The following OR51A7 variants were observed in gnomAD, a reference collection of about 807,000 sequenced individuals.
The protein encoded by OR51A7 is olfactory receptor 51A7.
For missense variants in OR51A7, 409 were observed against 374.5 expected, an observed-to-expected ratio of 1.09 and a Z score of -0.76; for synonymous variants, 143 against 135.5, an observed-to-expected ratio of 1.05 and a Z score of -0.38.
At position 4,908,366 on chromosome 11, in the gene OR51A7, A is replaced by G. The variant is rs749913407; in HGVS notation, c.*58A>G. Reference sequence around the variant, plus strand: ...CAGTAGGCATTTACTGTCATTTGCTATGTGCTTAATGCCATAGAAGTCACT... The same window carrying G: ...CAGTAGGCATTTACTGTCATTTGCTGTGTGCTTAATGCCATAGAAGTCACT... On this transcript the variant is annotated 3_prime_UTR_variant, in exon 2 of 2. Coordinates refer to ENST00000641490, the MANE Select transcript of OR51A7 (RefSeq NM_001004749.2). 2.2e-6 allele frequency: 3 copies of G among 1,394,370 alleles called. No homozygotes were observed. Among genetic ancestry groups the G allele is most frequent in the Non-Finnish European group, 3.0e-6 (3 of 985,642 alleles). 86.4% of individuals were successfully genotyped at this position (1,394,370 alleles called of 1,614,324 possible). A position where few individuals can be genotyped will look rare whatever the true frequency, so the allele number is the denominator to read the frequency against.
chr11:4,905,438 A>C (rs1167324014), intron 1 of OR51A7, among the ~76,000 whole-genome samples: 2 of 152,140 alleles, frequency 1.3e-5, no homozygotes, highest in Non-Finnish European at 2.9e-5. Flanking sequence ...TTATCCTCTA[A>C]AAAATCACAA....
Position 4,907,384 on chromosome 11 carries a change from T to C in OR51A7, c.15T>C (p.Asn5=). MSVL[N]NSEVKLFLLI... ...TCTCCCTCATTATGTCTGTTCTCAA[T>C]AACTCCGAAGTCAAGCTTTTCCTTC... The change falls in exon 2 of 2, where the codon AAT becomes AAC. Residue 5 remains asparagine, a synonymous_variant. Coordinates refer to ENST00000641490, the MANE Select transcript of OR51A7 (RefSeq NM_001004749.2). 1 of 1,612,186 alleles carries C rather than the reference T, an allele frequency of 6.2e-7. No homozygotes were observed. Among genetic ancestry groups the C allele is most frequent in the Non-Finnish European group, 8.5e-7 (1 of 1,178,588 alleles).
In OR51A7 at chr11:4,907,541, C is replaced by T. The variant is rs778392725; in HGVS notation, c.172C>T (p.Pro58Ser). Reference protein sequence around the residue: ...IIKTEPSLHEPMYYFLAMLAV... With the variant: ...IIKTEPSLHESMYYFLAMLAV... ...AAAGACAGAGCCCTCGCTTCATGAG[C>T]CCATGTATTATTTCCTTGCCATGTT... Residue 58 changes from proline to serine, a missense_variant, in exon 2 of 2, where the codon CCC (proline) becomes TCC (serine). Coordinates refer to ENST00000641490, the MANE Select transcript of OR51A7 (RefSeq NM_001004749.2). 8 of 1,613,980 alleles carry T rather than the reference C, an allele frequency of 5.0e-6. No individual in the cohort carries two copies. In the South Asian group the frequency reaches 7.7e-5, roughly 16 times the overall value.
In OR51A7 at chr11:4,907,904, T is replaced by G; in HGVS notation, c.535T>G (p.Cys179Gly). ...AAAGAATCTTCTTTCTCACTCATAC[T>G]GTCTTCATCAGGATACCATGAAGCT... ...CQKNLLSHSYCLHQDTMKLAC... is the reference protein window; with the variant it reads ...CQKNLLSHSYGLHQDTMKLAC... The change falls in exon 2 of 2, where the codon TGT becomes GGT. Residue 179 changes from cysteine (C) to glycine (G), a missense_variant. Cys to Gly is a radical substitution (Grantham distance 159). Transcript: ENST00000641490. 1 of 1,614,136 alleles carries G rather than the reference T, an allele frequency of 6.2e-7. No homozygotes were observed. Among genetic ancestry groups the G allele is most frequent in the South Asian group, 1.1e-5 (1 of 91,084 alleles).
At chr11:4,905,901 A>T (rs1363319430) in intron 1 of OR51A7, among the ~76,000 whole-genome samples, 2 of 152,202 alleles carry the variant, frequency 1.3e-5, no homozygotes, top group Admixed American at 6.5e-5. Flanking sequence ...TTTATTATGT[A>T]GGCAAAATTT....
intron 1 of OR51A7, among the ~76,000 whole-genome samples, chr11:4,906,268 A>G (rs1850886650): frequency 6.6e-6 from 1 of 152,226 alleles, no homozygotes. Context: ...TGTGTAATCA[A>G]TGCTAATATT....
rs1417834284 is a variant in OR51A7 at position 4,909,320 on chromosome 11, GC to G, written c.*1013del. The G allele has an allele frequency of 1.3e-5, 2 of 152,074 alleles. No individual in the cohort carries two copies. 9.4% of individuals were successfully genotyped at this position (152,074 alleles called of 1,614,324 possible). A position where few individuals can be genotyped will look rare whatever the true frequency, so the allele number is the denominator to read the frequency against. On this transcript the variant is annotated 3_prime_UTR_variant, in exon 2 of 2. Coordinates refer to ENST00000641490, the MANE Select transcript of OR51A7 (RefSeq NM_001004749.2). ...AGTTGAAAATACAATTTGAAGGGGG[GC>G]AAACAAGATTGATATGGCAATCTCT...
Position 4,907,763 on chromosome 11 carries a change from T to C in OR51A7, c.394T>C (p.Tyr132His). 2 of 1,614,122 alleles carry C rather than the reference T, an allele frequency of 1.2e-6. No homozygotes were observed. Among genetic ancestry groups the C allele is most frequent in the Non-Finnish European group, 1.7e-6 (2 of 1,180,022 alleles). Residue 132 changes from tyrosine (Y) to histidine (H), a missense_variant, in exon 2 of 2, where the codon TAC becomes CAC. Physicochemically the swap from Tyr to His is moderately conservative, Grantham distance 83. Transcript: ENST00000641490. ...TCTTGCCATTCACAATCCCTTAAGA[T>C]ACAGTTCTATCCTCACTAGCAACAG... The part of the protein sequence containing the change: ...RFLAIHNPLR[Y>H]SSILTSNRVA...
intron 1 of OR51A7, 70 bp from the exon 2 acceptor site, chr11:4,907,269 T>A (rs1301355821): frequency 1.4e-6 from 1 of 715,350 alleles, no homozygotes. Context: ...AGTATACGAA[T>A]GAACCCCTTA....
At position 4,907,735 on chromosome 11, in the gene OR51A7, C is replaced by T; in HGVS notation, c.366C>T (p.Arg122=). 6.2e-7 allele frequency: 1 copy of T among 1,614,018 alleles called. No homozygotes were observed. The highest frequency in any genetic ancestry group is 8.5e-7 in the Non-Finnish European group (1 of 1,179,988). The change falls in exon 2 of 2, where the codon CGC becomes CGT. Residue 122 remains arginine (R), a synonymous_variant. Coordinates refer to ENST00000641490, the MANE Select transcript of OR51A7 (RefSeq NM_001004749.2). ...TACTTCTAATTATGTCTTTGGACCG[C>T]TTTCTTGCCATTCACAATCCCTTAA... ...SSVLLIMSLD[R]FLAIHNPLRY... is the part of the protein sequence containing the mutation.
chr11:4,908,316 A>G lies in OR51A7; in HGVS notation c.*8A>G. On this transcript the variant is annotated 3_prime_UTR_variant, in exon 2 of 2. Transcript: ENST00000641490. ...AATGTATGTGGGAGATAAGAACTTG[A>G]ACAATTAGGTAATAAATTATCAACC... The G allele has an allele frequency of 6.2e-7, 1 of 1,608,224 alleles. No homozygotes were observed. The highest frequency in any genetic ancestry group is 2.2e-5 in the East Asian group (1 of 44,824).
At position 4,908,204 on chromosome 11, in the gene OR51A7, T is replaced by C; in HGVS notation, c.835T>C (p.Phe279Leu). 1 of 1,614,210 alleles carries C rather than the reference T, an allele frequency of 6.2e-7. No individual in the cohort carries two copies. ...TGTTGTGATCCTTATTGCAGATATG[T>C]TCTTGTTGGTGCCGCCCCTTATGAA... ...PLVVILIADM[F>L]LLVPPLMNPI... The change falls in exon 2 of 2, where the codon TTC becomes CTC. Residue 279 changes from phenylalanine (F) to leucine (L), a missense_variant. Phe to Leu is a conservative substitution (Grantham distance 22). Coordinates refer to ENST00000641490, the MANE Select transcript of OR51A7 (RefSeq NM_001004749.2).
At chr11:4,905,923 T>G (rs1429791825) in intron 1 of OR51A7, among the ~76,000 whole-genome samples, 3 of 152,192 alleles carry the variant, frequency 2.0e-5, no homozygotes, top group African/African-American at 7.2e-5. Flanking sequence ...AATGCTTCAT[T>G]TCCAACAGAA....
Position 4,908,484 on chromosome 11 carries a change from CA to C in OR51A7, c.*178del. ...AACTGAACAGGATAGAAAAAAAAGT[CA>C]AGAGATATATAAGATATAGAGGTTT... is the stretch of plus-strand genomic sequence containing the variant. On this transcript the variant is annotated 3_prime_UTR_variant, in exon 2 of 2. Transcript: ENST00000641490. 3.3e-6 allele frequency: 2 copies of C among 613,836 alleles called. No individual in the cohort carries two copies. Among genetic ancestry groups the C allele is most frequent in the Admixed American group, 5.6e-5 (2 of 35,526 alleles). 38.0% of individuals were successfully genotyped at this position (613,836 alleles called of 1,614,324 possible).
In OR51A7 at chr11:4,907,499, A is replaced by C. The variant is rs1386890078; in HGVS notation, c.130A>C (p.Thr44Pro). 2 of 1,613,828 alleles carry C rather than the reference A, an allele frequency of 1.2e-6. No individual in the cohort carries two copies. The highest frequency in any genetic ancestry group is 1.1e-5 in the South Asian group (1 of 91,066). ...CCTGCTTGCCATCATGGGCAACTGC[A>C]CCATTCTCTTTATTATAAAGACAGA... ...MYLLAIMGNC[T>P]ILFIIKTEPS... The change falls in exon 2 of 2, where the codon ACC becomes CCC. Residue 44 changes from threonine (T) to proline (P), a missense_variant. Transcript: ENST00000641490.
chr11:4,905,357 C>A (rs186789034), intron 1 of OR51A7, among the ~76,000 whole-genome samples: 1 of 152,140 alleles, frequency 6.6e-6, no homozygotes, highest in Admixed American at 6.6e-5. Context: ...GCCAAAATGT[C>A]TCTTAGTACC....
In OR51A7 at chr11:4,908,645, A is replaced by T; in HGVS notation, c.*337A>T. On this transcript the variant is annotated 3_prime_UTR_variant, in exon 2 of 2. Coordinates refer to ENST00000641490, the MANE Select transcript of OR51A7 (RefSeq NM_001004749.2). ...CAGTTAGTATCTATTAAAAATACAG[A>T]TGATATACAAAGTCTAATCTCATAC... 2.8e-6 allele frequency: 1 copy of T among 353,822 alleles called. No homozygotes were observed. The highest frequency in any genetic ancestry group is 2.7e-5 in the South Asian group (1 of 37,628). The allele number at this position is 353,822 out of a possible 1,614,324, so 21.9% of individuals were successfully genotyped here. A position where few individuals can be genotyped will look rare whatever the true frequency, so the allele number is the denominator to read the frequency against.
In OR51A7 at chr11:4,908,167, C is replaced by A. The variant is rs1422675443; in HGVS notation, c.798C>A (p.His266Gln). The A allele has an allele frequency of 6.2e-7, 1 of 1,614,218 alleles. No homozygotes were observed. Among genetic ancestry groups the A allele is most frequent in the Non-Finnish European group, 8.5e-7 (1 of 1,180,028 alleles). The change falls in exon 2 of 2, where the codon CAC (histidine) becomes CAA (glutamine). Residue 266 changes from histidine (H) to glutamine (Q), a missense_variant. Transcript: ENST00000641490. ...CTGCCATGCATCACTTTGCCAAGCACAAAAGCCCTCTTGTTGTGATCCTTA... is the reference window on the plus strand; with the variant it reads ...CTGCCATGCATCACTTTGCCAAGCAAAAAAGCCCTCTTGTTGTGATCCTTA... ...TLAAMHHFAK[H>Q]KSPLVVILIA... is the part of the protein sequence containing the mutation.
In OR51A7 at chr11:4,907,985, A is replaced by G; in HGVS notation, c.616A>G (p.Thr206Ala). 6.2e-7 allele frequency: 1 copy of G among 1,614,172 alleles called. No individual in the cohort carries two copies. The highest frequency in any genetic ancestry group is 8.5e-7 in the Non-Finnish European group (1 of 1,180,026). ...CTATGGCTTCTTCATTGCTCTCTGT[A>G]CTATGCTGGACTTGGCACTGATTGT... The part of the protein sequence containing the change: ...VIYGFFIALC[T>A]MLDLALIVLS... The change falls in exon 2 of 2, where the codon ACT becomes GCT. Residue 206 changes from threonine to alanine, a missense_variant. Transcript: ENST00000641490.
Sources: gnomAD v4.1 joint callset for allele counts (sites outside exome capture counted in the v4.1 genomes callset) on GRCh38, gnomAD v4.1.1 for gene constraint, MANE v1.5 for transcripts, NCBI Gene and HGNC (gene_info 2026-07-23, HGNC 2026-07-21) for gene names.